HIVEP2: variants seen among roughly 807,000 people sequenced by gnomAD.
HIVEP2 encodes the protein transcription factor HIVEP2.
HIVEP2 carries 14 observed loss-of-function variants against 180.7 expected under a neutral mutation model. The observed-to-expected ratio is 0.08, with a 90% CI of 0.05 to 0.12. HIVEP2 has a LOEUF of 0.12. Ranked by LOEUF, HIVEP2 falls within the 10% of genes least tolerant of loss-of-function variation. HIVEP2 has a pLI of 1.00. For synonymous variants in HIVEP2, 1,184 were observed against 1,136.4 expected, an observed-to-expected ratio of 1.04 and a Z score of -0.84; for missense variants, 2,579 against 3,008.5, an observed-to-expected ratio of 0.86 and a Z score of 3.34.
rs746215419 is a variant in HIVEP2 at position 142,774,356 on chromosome 6, C to T, written c.383G>A (p.Gly128Asp). The T allele has an allele frequency of 2.5e-6, 4 of 1,614,176 alleles. No homozygotes were observed. In the Admixed American group the frequency reaches 6.7e-5, roughly 27 times the overall value. ...SLEGPPWLFP[G>D]PLPSVASEDL... is the part of the protein sequence containing the mutation. ...CTCAGAGGCAACGGATGGCAAAGGG[C>T]CAGGGAAAAGCCACGGAGGACCTTC... The change falls in exon 5 of 10, where the codon GGC (glycine) becomes GAC (aspartate). Residue 128 changes from glycine (G) to aspartate (D), a missense_variant. Coordinates refer to ENST00000367603, the MANE Select transcript of HIVEP2 (RefSeq NM_006734.4). This position sits in a 1 kb window ranked among gnomAD's most constrained non-coding sequence, Gnocchi z 5.1.
intron 2 of HIVEP2, among the ~76,000 whole-genome samples, chr6:142,833,147 T>A (rs1412145594): frequency 6.6e-6 from 1 of 152,194 alleles, no homozygotes; most frequent in African/African-American, 2.4e-5. Flanking sequence ...TCACTAGTGC[T>A]GTGACTTTAA....
chr6:142,773,906 C>G lies in HIVEP2; in HGVS notation c.833G>C (p.Ser278Thr). 7 of 1,613,980 alleles carry G rather than the reference C, an allele frequency of 4.3e-6. No homozygotes were observed. The highest frequency in any genetic ancestry group is 5.9e-6 in the Non-Finnish European group (7 of 1,180,038). Reference protein sequence around the residue: ...EAEIHSDGEQSTDTDEESSLF... With the variant: ...EAEIHSDGEQTTDTDEESSLF... ...AGAACTCTCCTCATCTGTGTCTGTA[C>G]TCTGTTCACCATCTGAATGTATTTC... The change falls in exon 5 of 10, where the codon AGT (serine) becomes ACT (threonine). Residue 278 changes from serine to threonine, a missense_variant. Physicochemically the swap from Ser to Thr is moderately conservative, Grantham distance 58. Around this residue, in one of 11 missense-constraint regions of HIVEP2, gnomAD observed 142 missense variants for 135.2 expected, o/e 1.05. Transcript: ENST00000367603.
chr6:142,878,175 A>T (rs531028899), intron 1 of HIVEP2, among the ~76,000 whole-genome samples: 20 of 152,226 alleles, frequency 1.3e-4, no homozygotes, highest in Admixed American at 1.3e-3. Context: ...TCTCCAAAAA[A>T]CTCTGTCAAA....
chr6:142,832,735 A>G (rs1775123673), intron 2 of HIVEP2, among the ~76,000 whole-genome samples: 1 of 152,238 alleles, frequency 6.6e-6, no homozygotes, highest in South Asian at 2.1e-4. Flanking sequence ...CCGGAACTCC[A>G]GAGGCCATTC....
rs759186052 is a variant in HIVEP2, at chr6:142,753,602, A to T, written c.6846T>A (p.His2282Gln). 7.4e-6 allele frequency: 12 copies of T among 1,614,056 alleles called. No homozygotes were observed. Among genetic ancestry groups the T allele is most frequent in the Admixed American group, 1.7e-5 (1 of 60,008 alleles). ...SKDPYVLSKQ[H>Q]EKRGPHALQS... ...GCAAAGCGTGAGGACCTCGCTTCTC[A>T]TGCTGCTTAGAAAGCACATAGGGGT... is the stretch of plus-strand genomic sequence containing the variant. Residue 2282 changes from histidine (H) to glutamine (Q), a missense_variant, in exon 10 of 10, where the codon CAT becomes CAA. Coordinates refer to ENST00000367603, the MANE Select transcript of HIVEP2 (RefSeq NM_006734.4).
chr6:142,930,492 T>C (rs781029622), intron 1 of HIVEP2, among the ~76,000 whole-genome samples: 21 of 151,698 alleles, frequency 1.4e-4, no homozygotes, highest in Non-Finnish European at 2.2e-4. Flanking sequence ...CCTTCAAGGC[T>C]AGCTAACTAA....
chr6:142,933,665 A>T (rs1270950968), intron 1 of HIVEP2, among the ~76,000 whole-genome samples: 1 of 152,246 alleles, frequency 6.6e-6, no homozygotes, highest in East Asian at 1.9e-4. Context: ...CACCAAACAT[A>T]GCCAAAAACC....
Position 142,774,263 on chromosome 6 carries a change from T to C in HIVEP2, c.476A>G (p.Asn159Ser), listed in dbSNP as rs1159440896. Residue 159 changes from asparagine (N) to serine (S), a missense_variant, in exon 5 of 10, where the codon AAC (asparagine) becomes AGC (serine). By Grantham distance (46) the Asn-to-Ser change is conservative (BLOSUM62 1). Transcript: ENST00000367603. The surrounding 1 kb of genome is among the most constrained non-coding windows in gnomAD (Gnocchi z 5.1). ...GYPRKKISSL[N>S]PAYSQYSQKS... is the part of the protein sequence containing the mutation. ...CTGGGAGTATTGGCTATAAGCAGGG[T>C]TCAGACTTGAAATCTTTTTTCTAGG... is the stretch of plus-strand genomic sequence containing the variant. 1.9e-6 allele frequency: 3 copies of C among 1,614,052 alleles called. No individual in the cohort carries two copies. The highest frequency in any genetic ancestry group is 1.7e-6 in the Non-Finnish European group (2 of 1,180,032).
At chr6:142,841,290 C>T (rs73586565) in intron 1 of HIVEP2, among the ~76,000 whole-genome samples, 3,634 of 152,106 alleles carry the variant, frequency 0.024, 131 homozygotes, top group African/African-American at 0.082. Flanking sequence ...TATAAGCTTG[C>T]TTTATTATGT....
At chr6:142,892,201 C>G (rs1182412350) in intron 1 of HIVEP2, among the ~76,000 whole-genome samples, 1 of 152,176 alleles carries the variant, frequency 6.6e-6, no homozygotes, top group Non-Finnish European at 1.5e-5. Context: ...GAAAGACAGG[C>G]TCTTGCACCC....
intron 3 of HIVEP2, among the ~76,000 whole-genome samples, chr6:142,777,967 G>A (rs1775748092): frequency 6.6e-6 from 1 of 152,116 alleles, no homozygotes; most frequent in Admixed American, 6.6e-5. Flanking sequence ...CTTTGAGAGG[G>A]GAAAAGCACC....
At chr6:142,914,003 T>C (rs1777486026) in intron 1 of HIVEP2, among the ~76,000 whole-genome samples, 1 of 150,516 alleles carries the variant, frequency 6.6e-6, no homozygotes, top group African/African-American at 2.5e-5. Flanking sequence ...GCTCTCAGTA[T>C]ATGAAAAAAA....
intron 1 of HIVEP2, among the ~76,000 whole-genome samples, chr6:142,845,832 A>G (rs1424028502): frequency 6.6e-6 from 1 of 152,210 alleles, no homozygotes; most frequent in Admixed American, 6.5e-5. Flanking sequence ...CCAGGCAGAG[A>G]GGCCCTCCCC....
intron 2 of HIVEP2, among the ~76,000 whole-genome samples, chr6:142,797,138 C>T (rs572424398): frequency 1.2e-4 from 18 of 152,058 alleles, no homozygotes; most frequent in Admixed American, 1.0e-3. Context: ...TCCTAACACA[C>T]CTAACTTTTT....
intron 3 of HIVEP2, among the ~76,000 whole-genome samples, chr6:142,778,545 A>G (rs539827170): frequency 6.6e-6 from 1 of 152,320 alleles, no homozygotes; most frequent in South Asian, 2.1e-4. Context: ...GTATTGATCT[A>G]TGTATGCAGT....
intron 6 of HIVEP2, among the ~76,000 whole-genome samples, chr6:142,766,703 C>T (rs1355571906): frequency 6.6e-6 from 1 of 152,058 alleles, no homozygotes; most frequent in Non-Finnish European, 1.5e-5. Flanking sequence ...ATTAGAGAAA[C>T]TGGTATAAAT....
intron 1 of HIVEP2, among the ~76,000 whole-genome samples, chr6:142,860,742 C>T (rs1195847840): frequency 2.0e-5 from 3 of 152,174 alleles, no homozygotes; most frequent in Non-Finnish European, 4.4e-5. Context: ...CGCTCACCTC[C>T]ACTTACCTCC....
chr6:142,939,595 C>T (rs1459594273), intron 1 of HIVEP2, among the ~76,000 whole-genome samples: 1 of 152,124 alleles, frequency 6.6e-6, no homozygotes, highest in Non-Finnish European at 1.5e-5. Context: ...TCAAGATCCT[C>T]AGTAAAAAAA....
rs147571754 is a variant in HIVEP2, at chr6:142,772,390, T to C, written c.2349A>G (p.Ser783=). ...TGCCCCCTAGGTCTGACATCTTGTC[T>C]GAATCAATGGCTGAAGGTGACTCCT... ...VSEESPSAID[S]DKMSDLGGRK... Residue 783 remains serine, a synonymous_variant, in exon 5 of 10, where the codon TCA becomes TCG. Coordinates refer to ENST00000367603, the MANE Select transcript of HIVEP2 (RefSeq NM_006734.4). The surrounding 1 kb of genome is among the most constrained non-coding windows in gnomAD (Gnocchi z 4.9). 1,239 of 1,614,218 alleles carry C rather than the reference T, an allele frequency of 7.7e-4. 7 individuals are homozygous for C. The highest frequency in any genetic ancestry group is 4.4e-3 in the South Asian group (398 of 91,080).
Sources: allele counts gnomAD v4.1 joint callset (sites outside exome capture counted in the v4.1 genomes callset), GRCh38; gene constraint gnomAD v4.1.1; regional missense constraint gnomAD v4.1.1; non-coding constraint Gnocchi (gnomAD v3.1); transcripts MANE v1.5; gene names NCBI Gene and HGNC (gene_info 2026-07-23, HGNC 2026-07-21).